GADL1: variants seen among roughly 807,000 people sequenced by gnomAD.
GADL1 encodes the protein acidic amino acid decarboxylase GADL1.
Under a neutral mutation model 69.5 loss-of-function variants are expected in GADL1, and 71 were observed. That is an observed-to-expected ratio of 1.02 (90% CI 0.84 to 1.25). The LOEUF (loss-of-function observed/expected upper bound fraction) is 1.25, where lower values mean the gene tolerates loss of function less well. Among genes scored for constraint, GADL1 ranks in the 50% most tolerant of loss-of-function variants. GADL1 has a pLI of 0.00. For missense variants in GADL1, 737 were observed against 631.8 expected (o/e 1.17, Z -1.79); for synonymous variants, 254 against 214.4 (o/e 1.18, Z -1.62).
In GADL1 at chr3:30,739,204, A is replaced by G. The variant is rs966776129; in HGVS notation, c.1393-10789T>C. ...AGGGGCCTGACAAGGCAGGGGATGA[A>G]AAAAGAAGGGAGCCCATGGCGTTAT... On this transcript the variant is annotated intron_variant, in intron 14 of 14. Transcript: ENST00000282538. Among the ~76,000 whole-genome samples, 3 of 152,288 alleles carry G rather than the reference A, an allele frequency of 2.0e-5. No homozygotes were observed. The East Asian group carries it at 5.8e-4, about 29-fold the overall frequency.
intron 14 of GADL1, among the ~76,000 whole-genome samples, chr3:30,750,701 A>G (rs887708863): frequency 6.6e-5 from 10 of 152,090 alleles, no homozygotes; most frequent in Non-Finnish European, 1.0e-4. Context: ...CAACACACGC[A>G]CACACAATAT....
At chr3:30,859,323 A>C (rs944378380) in intron 2 of GADL1, among the ~76,000 whole-genome samples, 1 of 151,928 alleles carries the variant, frequency 6.6e-6, no homozygotes, top group South Asian at 2.1e-4. Flanking sequence ...GTAAATTGGA[A>C]ATGCCTGAGA....
chr3:30,781,281 G>A (rs1696660356), intron 13 of GADL1, among the ~76,000 whole-genome samples: 1 of 152,104 alleles, frequency 6.6e-6, no homozygotes, highest in Admixed American at 6.6e-5. Flanking sequence ...TCAATTTCAG[G>A]AAGAATTATT....
chr3:30,775,568 A>T (rs573616308), intron 14 of GADL1, among the ~76,000 whole-genome samples: 1 of 142,726 alleles, frequency 7.0e-6, no homozygotes, highest in South Asian at 2.1e-4. Context: ...TGTCTGCAGC[A>T]TGCATTTTTT....
chr3:30,760,021 T>A (rs1021032188), intron 14 of GADL1, among the ~76,000 whole-genome samples: 2 of 152,238 alleles, frequency 1.3e-5, no homozygotes, highest in Admixed American at 1.3e-4. Context: ...ATCTCCTTTT[T>A]ACCTGCAGAT....
intron 12 of GADL1, among the ~76,000 whole-genome samples, chr3:30,792,112 G>C (rs926217871): frequency 6.6e-6 from 1 of 152,166 alleles, no homozygotes; most frequent in Non-Finnish European, 1.5e-5. Flanking sequence ...GTGATTTTGA[G>C]GCAAGAGGAG....
intron 9 of GADL1, among the ~76,000 whole-genome samples, chr3:30,836,413 C>A (rs569997296): frequency 6.8e-6 from 1 of 146,096 alleles, no homozygotes; most frequent in East Asian, 2.0e-4. Context: ...AAAAAAAACA[C>A]CCCTGATGTA....
chr3:30,796,428 A>ACTC (rs1697034142), intron 12 of GADL1, among the ~76,000 whole-genome samples: 1 of 152,028 alleles, frequency 6.6e-6, no homozygotes. Context: ...GAATTGACAC[A>ACTC]CTCCCCAGTG....
At chr3:30,882,581 G>C (rs991125083) in intron 1 of GADL1, among the ~76,000 whole-genome samples, 10 of 151,860 alleles carry the variant, frequency 6.6e-5, no homozygotes, top group African/African-American at 2.4e-4. Flanking sequence ...ATGGATACTT[G>C]GGTAGCTTCC....
At chr3:30,815,336 CG>C (rs201422463) in intron 11 of GADL1, among the ~76,000 whole-genome samples, 2,610 of 152,148 alleles carry the variant, frequency 0.017, 80 homozygotes, top group African/African-American at 0.06. Flanking sequence ...TCTCTCTGGT[CG>C]GTTAGGAGGA....
chr3:30,757,028 C>CCCTCAGCTTCCT (rs1051562607), intron 14 of GADL1, among the ~76,000 whole-genome samples: 1 of 152,056 alleles, frequency 6.6e-6, no homozygotes, highest in Non-Finnish European at 1.5e-5. Flanking sequence ...TCAGCATTAC[C>CCCTCAGCTTCCT]CCTCAGCTTC....
chr3:30,808,969 T>C (rs1403133345), intron 11 of GADL1, among the ~76,000 whole-genome samples: 10 of 152,214 alleles, frequency 6.6e-5, no homozygotes, highest in Admixed American at 6.5e-4. Flanking sequence ...CCCAGTCTCA[T>C]GCACAGTGAC....
At chr3:30,843,726 G>GT (rs1479221209) in intron 8 of GADL1, among the ~76,000 whole-genome samples, 1 of 152,204 alleles carries the variant, frequency 6.6e-6, no homozygotes, top group Non-Finnish European at 1.5e-5. Context: ...CCCAACAGGG[G>GT]TTGATAGTAA....
At chr3:30,756,830 C>G (rs771315780) in intron 14 of GADL1, among the ~76,000 whole-genome samples, 4 of 152,112 alleles carry the variant, frequency 2.6e-5, no homozygotes, top group Non-Finnish European at 4.4e-5. Flanking sequence ...CTTGCCAAGA[C>G]CAGTAGATCC....
chr3:30,795,412 T>G (rs1373187515), intron 12 of GADL1, among the ~76,000 whole-genome samples: 1 of 152,168 alleles, frequency 6.6e-6, no homozygotes, highest in Non-Finnish European at 1.5e-5. Context: ...GAGTCCACTG[T>G]TAAATATTCA....
intron 14 of GADL1, among the ~76,000 whole-genome samples, chr3:30,744,923 C>A (rs1448419548): frequency 6.6e-6 from 1 of 152,116 alleles, no homozygotes; most frequent in African/African-American, 2.4e-5. Context: ...GAATAAGAAA[C>A]ACGAACAGCG....
intron 1 of GADL1, among the ~76,000 whole-genome samples, chr3:30,871,671 T>C (rs1388120262): frequency 6.6e-6 from 1 of 151,768 alleles, no homozygotes; most frequent in African/African-American, 2.4e-5. Flanking sequence ...AGTTTTACAT[T>C]ATGAGACTAC....
intron 14 of GADL1, among the ~76,000 whole-genome samples, chr3:30,755,831 T>TC (rs1695956757): frequency 6.6e-6 from 1 of 151,912 alleles, no homozygotes; most frequent in Non-Finnish European, 1.5e-5. Context: ...GTACTTTTTT[T>TC]CCTACCAAGA....
At chr3:30,819,264 G>A (rs138798206) in intron 11 of GADL1, among the ~76,000 whole-genome samples, 17 of 151,984 alleles carry the variant, frequency 1.1e-4, no homozygotes, top group Non-Finnish European at 2.4e-4. Flanking sequence ...CCAACTCTGA[G>A]GCCTGTTTAT....
Sources: gnomAD v4.1 joint callset for allele counts (sites outside exome capture counted in the v4.1 genomes callset) on GRCh38, gnomAD v4.1.1 for gene constraint, MANE v1.5 for transcripts, NCBI Gene and HGNC (gene_info 2026-07-23, HGNC 2026-07-21) for gene names.